Variants in CIROZ observed in about 807,000 individuals in gnomAD.
CIROZ encodes the protein ciliated left-right organizer protein containing ZP-N domains.
At chr1:10,947,773 A>G in the CIROZ span, 1 of 1,597,910 alleles carries the variant, frequency 6.3e-7, no homozygotes, top group South Asian at 1.1e-5. Context: ...TGCTGGAGTG[A>G]GGCCCCCCGG....
the CIROZ span, chr1:10,955,168 G>T: frequency 6.2e-7 from 1 of 1,604,472 alleles, no homozygotes; most frequent in Non-Finnish European, 8.5e-7. Context: ...TAAGACCTCC[G>T]ACTCTGGCTG....
At chr1:10,960,630 C>T in the CIROZ span, among the ~76,000 whole-genome samples, 2 of 152,238 alleles carry the variant, frequency 1.3e-5, no homozygotes, top group Admixed American at 6.5e-5. The surrounding 1 kb of genome is among the most constrained non-coding windows in gnomAD (Gnocchi z 4.6). Flanking sequence ...CGCGGCCTCC[C>T]GCTCGGGGCC....
At chr1:10,961,383 T>A in the CIROZ span, among the ~76,000 whole-genome samples, 26 of 151,264 alleles carry the variant, frequency 1.7e-4, no homozygotes, top group Admixed American at 1.1e-3. Flanking sequence ...AGGAAGCCCC[T>A]CCCGCTCAGC....
chr1:10,978,097 A>C, the CIROZ span, among the ~76,000 whole-genome samples: 1 of 150,802 alleles, frequency 6.6e-6, no homozygotes, highest in African/African-American at 2.4e-5. Context: ...TGAACCCGAG[A>C]GGCGGAAGTC....
the CIROZ span, chr1:10,956,899 TGGG>T: frequency 1.2e-6 from 1 of 814,344 alleles, no homozygotes; most frequent in Non-Finnish European, 1.9e-6. Context: ...TAGCCAAGGT[TGGG>T]ACTGAGGAGA....
At chr1:10,954,331 G>A in the CIROZ span, among the ~76,000 whole-genome samples, 2 of 151,996 alleles carry the variant, frequency 1.3e-5, no homozygotes, top group African/African-American at 4.8e-5. Flanking sequence ...GTGGGCACCT[G>A]TAGTCCCAGC....
At chr1:10,981,536 C>A in the CIROZ span, among the ~76,000 whole-genome samples, 12 of 133,674 alleles carry the variant, frequency 9.0e-5, no homozygotes, top group African/African-American at 2.6e-4. Flanking sequence ...GGAAGGAAGG[C>A]AGGGAGGGAA....
the CIROZ span, chr1:10,957,214 T>A: frequency 1.2e-6 from 1 of 843,966 alleles, no homozygotes; most frequent in Non-Finnish European, 1.8e-6. Context: ...GTCTCTGAAC[T>A]AAAGCCCCAA....
chr1:10,958,750 G>A, the CIROZ span: 2 of 1,613,848 alleles, frequency 1.2e-6, no homozygotes, highest in Non-Finnish European at 1.7e-6. Context: ...GGGGCCGGGA[G>A]ACCTGCAGAG....
the CIROZ span, chr1:10,954,013 A>G: frequency 6.2e-7 from 1 of 1,607,914 alleles, no homozygotes; most frequent in Non-Finnish European, 8.5e-7. Flanking sequence ...ATGGTGCCTC[A>G]CTCACCCACA....
chr1:10,959,853 G>A, the CIROZ span, among the ~76,000 whole-genome samples: 3 of 152,214 alleles, frequency 2.0e-5, no homozygotes, highest in East Asian at 1.9e-4. This position sits in a 1 kb window ranked among gnomAD's most constrained non-coding sequence, Gnocchi z 4.3. Flanking sequence ...GGAGCCCCTC[G>A]GGTCAGCCCT....
At chr1:10,949,479 C>A in the CIROZ span, 1 of 943,506 alleles carries the variant, frequency 1.1e-6, no homozygotes, top group Non-Finnish European at 1.6e-6. Flanking sequence ...GAGGAGGTAA[C>A]ATGGTTGGGG....
chr1:10,948,816 G>A, the CIROZ span: 17 of 1,511,000 alleles, frequency 1.1e-5, no homozygotes, highest in Non-Finnish European at 1.4e-5. Flanking sequence ...CGCCGGTTTG[G>A]CTGTTTGCAG....
At chr1:10,954,996 C>T in the CIROZ span, 1 of 1,602,670 alleles carries the variant, frequency 6.2e-7, no homozygotes, top group Non-Finnish European at 8.5e-7. Flanking sequence ...TCACCTGGAC[C>T]TGGAGCACCC....
the CIROZ span, among the ~76,000 whole-genome samples, chr1:10,970,630 A>G: frequency 6.6e-6 from 1 of 152,166 alleles, no homozygotes; most frequent in South Asian, 2.1e-4. Flanking sequence ...CTGACTCAAA[A>G]AAAAAGATTT....
chr1:10,973,530 G>A, the CIROZ span, among the ~76,000 whole-genome samples: 14 of 152,096 alleles, frequency 9.2e-5, no homozygotes, highest in Non-Finnish European at 1.5e-4. Context: ...GTCACTCATC[G>A]CTGCTGAGAG....
At chr1:10,949,900 C>T in the CIROZ span, 1 of 1,249,492 alleles carries the variant, frequency 8.0e-7, no homozygotes, top group Non-Finnish European at 1.1e-6. Context: ...TGAGTGACCC[C>T]TTTTCCACAG....
At chr1:10,954,198 G>C in the CIROZ span, 6 of 1,557,700 alleles carry the variant, frequency 3.9e-6, no homozygotes, top group African/African-American at 8.2e-5. Flanking sequence ...GCTCACGCCT[G>C]TAATCCCAGC....
the CIROZ span, among the ~76,000 whole-genome samples, chr1:10,977,167 A>G: frequency 2.0e-5 from 3 of 152,108 alleles, no homozygotes; most frequent in Non-Finnish European, 2.9e-5. Context: ...TGCTGGGATT[A>G]CAGGTGTGAG....
Sources: allele counts gnomAD v4.1 joint callset (sites outside exome capture counted in the v4.1 genomes callset), GRCh38; gene constraint gnomAD v4.1.1; non-coding constraint Gnocchi (gnomAD v3.1); transcripts MANE v1.5; gene names NCBI Gene and HGNC (gene_info 2026-07-23, HGNC 2026-07-21).